The following POU6F2 variants were observed in gnomAD, a reference collection of about 807,000 sequenced individuals.
POU6F2 encodes the protein POU domain, class 6, transcription factor 2.
A neutral mutation model predicts 71.3 loss-of-function variants in POU6F2; 31 were observed. The observed-to-expected ratio is 0.43, with a 90% CI of 0.33 to 0.59. POU6F2 has a LOEUF of 0.59. Ranked by LOEUF, POU6F2 falls within the 20% of genes least tolerant of loss-of-function variation. The pLI is 0.04. For missense variants in POU6F2, 783 were observed against 856.8 expected (o/e 0.91, Z 1.07); for synonymous variants, 347 against 355.7 (o/e 0.98, Z 0.27).
intron 4 of POU6F2, among the ~76,000 whole-genome samples, chr7:39,329,999 A>G (rs987251981): frequency 5.9e-5 from 9 of 152,224 alleles, no homozygotes; most frequent in African/African-American, 2.2e-4. Context: ...AATGTAATAC[A>G]TGCATGTGGT....
chr7:39,418,947 G>A (rs544228924), intron 6 of POU6F2, among the ~76,000 whole-genome samples: 254 of 78,410 alleles, frequency 3.2e-3, no homozygotes, highest in African/African-American at 0.013. Flanking sequence ...GTGTATATAT[G>A]TATATATGTA....
intron 4 of POU6F2, among the ~76,000 whole-genome samples, chr7:39,325,649 A>C (rs1785489378): frequency 6.6e-6 from 1 of 152,162 alleles, no homozygotes; most frequent in African/African-American, 2.4e-5. Flanking sequence ...AATAATCCCC[A>C]CACTGGCACA....
At chr7:39,003,488 C>A (rs1186187461) in intron 1 of POU6F2, among the ~76,000 whole-genome samples, 1 of 151,476 alleles carries the variant, frequency 6.6e-6, no homozygotes, top group East Asian at 1.9e-4. Context: ...TGCCTGTAAT[C>A]CCAGCACTTT....
intron 4 of POU6F2, among the ~76,000 whole-genome samples, chr7:39,309,170 G>A (rs945702943): frequency 3.3e-5 from 5 of 152,336 alleles, no homozygotes; most frequent in African/African-American, 7.2e-5. Flanking sequence ...TAGCGAGAAC[G>A]AAAAGAGACT....
chr7:39,406,399 C>A, intron 5 of POU6F2: 1 of 586,884 alleles, frequency 1.7e-6, no homozygotes, highest in Non-Finnish European at 2.9e-6. Flanking sequence ...AGCTCCCCAA[C>A]ATTTTCCTTC....
intron 4 of POU6F2, among the ~76,000 whole-genome samples, chr7:39,259,541 A>T (rs1334269507): frequency 6.6e-6 from 1 of 152,158 alleles, no homozygotes; most frequent in Non-Finnish European, 1.5e-5. Context: ...TCCAGGAGCC[A>T]CATTCCTCCT....
chr7:38,990,072 T>C lies in POU6F2; in HGVS notation c.105+12014T>C, dbSNP rs559795569. Among the ~76,000 whole-genome samples the C allele has an allele frequency of 6.6e-5, 10 of 152,248 alleles. No individual in the cohort carries two copies. In the South Asian group the frequency reaches 1.9e-3, roughly 28 times the overall value. Reference sequence around the variant, plus strand: ...AAATTCCACTTATTTGCAAGATAAGTTTGTTTTCTCCATCCATTCTTCACA... The same window carrying C: ...AAATTCCACTTATTTGCAAGATAAGCTTGTTTTCTCCATCCATTCTTCACA... On this transcript the variant is annotated intron_variant, in intron 1 of 9. Transcript: ENST00000518318.
At chr7:39,033,194 C>CAT (rs1789985013) in intron 1 of POU6F2, among the ~76,000 whole-genome samples, 1 of 152,170 alleles carries the variant, frequency 6.6e-6, no homozygotes, top group African/African-American at 2.4e-5. Context: ...AAAAACAACA[C>CAT]ATATATATTA....
chr7:39,417,909 T>C (rs922849167), intron 6 of POU6F2, among the ~76,000 whole-genome samples: 6 of 152,216 alleles, frequency 3.9e-5, no homozygotes, highest in Non-Finnish European at 5.9e-5. Context: ...CCTCTCAAGT[T>C]TGTTAGGAGG....
intron 2 of POU6F2, among the ~76,000 whole-genome samples, chr7:39,095,527 T>C (rs922886992): frequency 1.3e-5 from 2 of 152,198 alleles, no homozygotes. Context: ...CGTCTTGTCA[T>C]CTGTAGAGTA....
chr7:39,274,742 C>G lies in POU6F2; in HGVS notation c.599-64900C>G, dbSNP rs1784405378. Among the ~76,000 whole-genome samples, 4 of 110,770 alleles carry G rather than the reference C, an allele frequency of 3.6e-5. No individual in the cohort carries two copies. In the South Asian group the frequency reaches 1.4e-3, roughly 39 times the overall value. The allele number at this position is 110,770 out of a possible 152,430, so 72.7% of individuals were successfully genotyped here. A position where few individuals can be genotyped will look rare whatever the true frequency, so the allele number is the denominator to read the frequency against. On this transcript the variant is annotated intron_variant, in intron 4 of 9. Transcript: ENST00000518318. ...TCATCCCTGGGATGCAAGGCTGGTT[C>G]AATATATGCAAATCAATAAATGTAA... is the stretch of plus-strand genomic sequence containing the variant.
intron 4 of POU6F2, among the ~76,000 whole-genome samples, chr7:39,254,974 C>G (rs1301736057): frequency 6.6e-6 from 1 of 152,104 alleles, no homozygotes; most frequent in Non-Finnish European, 1.5e-5. Flanking sequence ...ACAGATTAAT[C>G]TAAGAGAATG....
chr7:39,084,826 G>A (rs17171532), intron 1 of POU6F2, among the ~76,000 whole-genome samples: 12,198 of 152,086 alleles, frequency 0.08, 923 homozygotes, highest in African/African-American at 0.19. Context: ...GAACCATTTA[G>A]GCATGAACTT....
At chr7:39,227,822 G>A (rs1257765908) in intron 4 of POU6F2, among the ~76,000 whole-genome samples, 2 of 152,136 alleles carry the variant, frequency 1.3e-5, no homozygotes, top group Admixed American at 1.3e-4. Flanking sequence ...CTCCCAAAGT[G>A]CTGGGATTAC....
intron 2 of POU6F2, among the ~76,000 whole-genome samples, chr7:39,184,822 C>A (rs1263838321): frequency 6.6e-6 from 1 of 152,184 alleles, no homozygotes; most frequent in Non-Finnish European, 1.5e-5. Context: ...CCTCCACCCT[C>A]ACCTACAGTT....
intron 6 of POU6F2, among the ~76,000 whole-genome samples, chr7:39,411,359 C>T (rs527504901): frequency 1.1e-3 from 167 of 152,204 alleles, no homozygotes; most frequent in African/African-American, 4.0e-3. Context: ...GGCGTTATTG[C>T]AGAAAAGTAA....
chr7:38,999,461 C>G (rs1918723), intron 1 of POU6F2, among the ~76,000 whole-genome samples: 46,925 of 152,046 alleles, frequency 0.31, 8,050 homozygotes, highest in East Asian at 0.7. Flanking sequence ...TTGTACCCCT[C>G]AAGCATATGT....
At chr7:39,239,683 T>C (rs934329747) in intron 4 of POU6F2, among the ~76,000 whole-genome samples, 1 of 152,174 alleles carries the variant, frequency 6.6e-6, no homozygotes, top group Non-Finnish European at 1.5e-5. Flanking sequence ...CTTAGAACAA[T>C]GCCTGTCTCA....
intron 4 of POU6F2, among the ~76,000 whole-genome samples, chr7:39,271,734 C>T (rs1219937132): frequency 6.6e-6 from 1 of 152,156 alleles, no homozygotes; most frequent in Non-Finnish European, 1.5e-5. Context: ...CATTTTCAAA[C>T]ATTATCTCTG....
Sources: gnomAD v4.1 joint callset for allele counts (sites outside exome capture counted in the v4.1 genomes callset) on GRCh38, gnomAD v4.1.1 for gene constraint, MANE v1.5 for transcripts, NCBI Gene and HGNC (gene_info 2026-07-23, HGNC 2026-07-21) for gene names.